PRDM2: variants seen among roughly 807,000 people sequenced by gnomAD.
PRDM2 encodes the protein PR domain zinc finger protein 2.
In PRDM2, 30 loss-of-function variants were observed where a neutral mutation model predicts 130.0. The ratio of observed to expected loss-of-function variants is 0.23; its 90% CI spans 0.17 to 0.31. The LOEUF (loss-of-function observed/expected upper bound fraction) is 0.31. Ranked by LOEUF, PRDM2 falls within the 10% of genes least tolerant of loss-of-function variation. The pLI is 1.00. For synonymous variants in PRDM2, 871 were observed against 782.4 expected, an observed-to-expected ratio of 1.11 and a Z score of -1.89; for missense variants, 2,011 against 2,108.4, an observed-to-expected ratio of 0.95 and a Z score of 0.90.
At chr1:13,812,605 C>G (rs1229697903) in intron 8 of PRDM2, among the ~76,000 whole-genome samples, 1 of 152,150 alleles carries the variant, frequency 6.6e-6, no homozygotes, top group East Asian at 1.9e-4. Flanking sequence ...AAGTGAGATG[C>G]TCATTAGACA....
chr1:13,727,740 T>C (rs1243850995), intron 2 of PRDM2, among the ~76,000 whole-genome samples: 5 of 152,186 alleles, frequency 3.3e-5, no homozygotes, highest in African/African-American at 7.2e-5. Flanking sequence ...AGCAGGGATT[T>C]GGAAATATAG....
At chr1:13,788,731 T>G (rs1644791354) in intron 8 of PRDM2, among the ~76,000 whole-genome samples, 1 of 152,216 alleles carries the variant, frequency 6.6e-6, no homozygotes, top group Non-Finnish European at 1.5e-5. Flanking sequence ...CACACAGCAG[T>G]GCCCTGTGAG....
chr1:13,739,776 A>G (rs564050045), intron 4 of PRDM2, among the ~76,000 whole-genome samples: 3 of 152,166 alleles, frequency 2.0e-5, no homozygotes, highest in South Asian at 4.1e-4. Context: ...ATATATATAT[A>G]TTTTTGGTCA....
At chr1:13,798,038 T>TG (rs1307689870) in intron 8 of PRDM2, among the ~76,000 whole-genome samples, 1 of 152,168 alleles carries the variant, frequency 6.6e-6, no homozygotes, top group African/African-American at 2.4e-5. Flanking sequence ...CGGTGATAGA[T>TG]GAGTCAGGGG....
In PRDM2 at chr1:13,781,922, C is replaced by T; in HGVS notation, c.4127C>T (p.Thr1376Ile). 1 of 1,614,188 alleles carries T rather than the reference C, an allele frequency of 6.2e-7. No homozygotes were observed. Among genetic ancestry groups the T allele is most frequent in the Non-Finnish European group, 8.5e-7 (1 of 1,180,030 alleles). ...PKKNPVPLKQTVQPKNGVVVL... is the reference protein window; with the variant it reads ...PKKNPVPLKQIVQPKNGVVVL... Reference sequence around the variant, plus strand: ...AAAAACCCAGTACCATTAAAACAAACTGTGCAACCCAAAAATGGCGTGGTG... The same window carrying T: ...AAAAACCCAGTACCATTAAAACAAATTGTGCAACCCAAAAATGGCGTGGTG... Residue 1376 changes from threonine (T) to isoleucine (I), a missense_variant, in exon 8 of 10, where the codon ACT (threonine) becomes ATT (isoleucine). This residue lies in a region of PRDM2 where 229 missense variants were observed against 364.1 expected (regional missense o/e 0.63). Transcript: ENST00000311066. The surrounding 1 kb of genome is among the most constrained non-coding windows in gnomAD (Gnocchi z 6.1).
intron 1 of PRDM2, among the ~76,000 whole-genome samples, chr1:13,713,661 A>G (rs1162628786): frequency 6.6e-6 from 1 of 151,942 alleles, no homozygotes; most frequent in African/African-American, 2.4e-5. Context: ...CTCAAAGAGA[A>G]CTCCCCTGAG....
intron 1 of PRDM2, among the ~76,000 whole-genome samples, chr1:13,711,201 A>G (rs561044628): frequency 1.3e-5 from 2 of 152,314 alleles, no homozygotes; most frequent in South Asian, 4.1e-4. Flanking sequence ...CACGTTTGAT[A>G]AAACCTTGGC....
chr1:13,755,186 T>A (rs1434852826), intron 6 of PRDM2, among the ~76,000 whole-genome samples: 1 of 152,236 alleles, frequency 6.6e-6, no homozygotes, highest in African/African-American at 2.4e-5. Flanking sequence ...AAAATGTTGG[T>A]CAGTATTTTC....
At chr1:13,749,700 C>G (rs1235995277) in intron 6 of PRDM2, among the ~76,000 whole-genome samples, 1 of 151,744 alleles carries the variant, frequency 6.6e-6, no homozygotes, top group African/African-American at 2.4e-5. Context: ...TCGCTGCCCT[C>G]CCGCCCTGCC....
rs1175081919 is a variant in PRDM2 at position 13,824,156 on chromosome 1, G to A, written c.*1021G>A. ...TGTCTCGGAGAAACGGGTGAGCTGAGCTTGGCGTTTGGACCCAGTTCAGTG... is the reference window on the plus strand; with the variant it reads ...TGTCTCGGAGAAACGGGTGAGCTGAACTTGGCGTTTGGACCCAGTTCAGTG... On this transcript the variant is annotated 3_prime_UTR_variant, in exon 10 of 10. Coordinates refer to ENST00000311066, the MANE Select transcript of PRDM2 (RefSeq NM_001393986.1). The A allele has an allele frequency of 1.3e-5, 2 of 152,652 alleles. No homozygotes were observed. Among genetic ancestry groups the A allele is most frequent in the African/African-American group, 4.8e-5 (2 of 41,432 alleles). The allele number at this position is 152,652 out of a possible 1,614,324, so 9.5% of individuals were successfully genotyped here.
At chr1:13,741,518 T>C (rs1643439841) in intron 4 of PRDM2, among the ~76,000 whole-genome samples, 1 of 152,198 alleles carries the variant, frequency 6.6e-6, no homozygotes, top group Admixed American at 6.5e-5. Context: ...ACCTGCTGAA[T>C]TGTATAGCCC....
At chr1:13,813,325 T>C (rs1223919624) in intron 8 of PRDM2, among the ~76,000 whole-genome samples, 2 of 152,104 alleles carry the variant, frequency 1.3e-5, no homozygotes, top group East Asian at 1.9e-4. Flanking sequence ...TTCCGGAGCC[T>C]TGGTCCTCGG....
At chr1:13,770,587 T>C (rs17346675) in intron 6 of PRDM2, among the ~76,000 whole-genome samples, 10,393 of 152,208 alleles carry the variant, frequency 0.068, 478 homozygotes, top group Non-Finnish European at 0.1. Context: ...AATTTTACAC[T>C]GTGGCCCTTC....
intron 7 of PRDM2, 66 bp from the exon 8 acceptor site, chr1:13,778,352 A>T: frequency 6.9e-7 from 1 of 1,451,098 alleles, no homozygotes. Context: ...AATCATTCAG[A>T]TTGTTCACCA....
Position 13,782,578 on chromosome 1 carries a change from G to T in PRDM2, c.4783G>T (p.Val1595Leu), listed in dbSNP as rs759639858. 1 of 1,614,196 alleles carries T rather than the reference G, an allele frequency of 6.2e-7. No homozygotes were observed. Among genetic ancestry groups the T allele is most frequent in the South Asian group, 1.1e-5 (1 of 91,086 alleles). The change falls in exon 8 of 10, where the codon GTG becomes TTG. Residue 1595 changes from valine to leucine, a missense_variant. Transcript: ENST00000311066. ...TGTTGAGGGGAAAAAACCTAAAGCT[G>T]TGGCCAAGAATCATTCTGCTCAGCT... ...THVEGKKPKA[V>L]AKNHSAQLSS...
intron 5 of PRDM2, among the ~76,000 whole-genome samples, chr1:13,743,229 C>G (rs1351708047): frequency 1.3e-5 from 2 of 151,798 alleles, no homozygotes; most frequent in African/African-American, 4.8e-5. Flanking sequence ...GAAACCCCGT[C>G]TCTACTAAAA....
At position 13,779,215 on chromosome 1, in the gene PRDM2, G is replaced by C; in HGVS notation, c.1420G>C (p.Glu474Gln). The C allele has an allele frequency of 1.2e-6, 2 of 1,614,212 alleles. No individual in the cohort carries two copies. The highest frequency in any genetic ancestry group is 8.5e-7 in the Non-Finnish European group (1 of 1,180,032). The change falls in exon 8 of 10, where the codon GAA becomes CAA. Residue 474 changes from glutamate to glutamine, a missense_variant. Glu to Gln is a conservative substitution (Grantham distance 29). Around this residue, in one of 5 missense-constraint regions of PRDM2, gnomAD observed 1,288 missense variants for 1,237.7 expected, o/e 1.04. Transcript: ENST00000311066. This position sits in a 1 kb window ranked among gnomAD's most constrained non-coding sequence, Gnocchi z 4.9. Reference protein sequence around the residue: ...SQDTINSSVVEENGEVKELHP... With the variant: ...SQDTINSSVVQENGEVKELHP... ...AGACACAATAAATTCTTCTGTCGTAGAAGAGAATGGGGAAGTTAAAGAACT... is the reference window on the plus strand; with the variant it reads ...AGACACAATAAATTCTTCTGTCGTACAAGAGAATGGGGAAGTTAAAGAACT...
chr1:13,787,922 G>A, intron 8 of PRDM2: 2 of 985,354 alleles, frequency 2.0e-6, no homozygotes, highest in South Asian at 9.4e-5. Context: ...CAAGAGTGGT[G>A]TTTGTTGTTT....
rs543587916 is a variant in PRDM2, at chr1:13,778,609, G to C, written c.814G>C (p.Glu272Gln). 4 of 1,613,514 alleles carry C rather than the reference G, an allele frequency of 2.5e-6. No homozygotes were observed. In the South Asian group the frequency reaches 4.4e-5, roughly 18 times the overall value. The stretch of plus-strand genomic sequence containing the variant: ...GAATGATTTGGGGGAAGAGGAGGAG[G>C]AGGAAGAGGAGGAGGATGAAGAAGA... Reference protein sequence around the residue: ...EVNDLGEEEEEEEEEDEEEEE... With the variant: ...EVNDLGEEEEQEEEEDEEEEE... The change falls in exon 8 of 10, where the codon GAG (glutamate) becomes CAG (glutamine). Residue 272 changes from glutamate to glutamine, a missense_variant. Glu to Gln is a conservative substitution (Grantham distance 29, BLOSUM62 2). Coordinates refer to ENST00000311066, the MANE Select transcript of PRDM2 (RefSeq NM_001393986.1).
Sources: gnomAD v4.1 joint callset for allele counts (sites outside exome capture counted in the v4.1 genomes callset) on GRCh38, gnomAD v4.1.1 for gene constraint, gnomAD v4.1.1 regional missense constraint, Gnocchi (gnomAD v3.1) non-coding constraint, MANE v1.5 for transcripts, NCBI Gene and HGNC (gene_info 2026-07-23, HGNC 2026-07-21) for gene names.